SPATA31H1: variants seen among roughly 807,000 people sequenced by gnomAD.
SPATA31H1 encodes the protein spermatogenesis-associated protein 31H1.
the SPATA31H1 span, chr2:27,580,009 T>G: frequency 5.6e-6 from 9 of 1,614,186 alleles, no homozygotes; most frequent in East Asian, 1.3e-4. Context: ...TATCTTCTTA[T>G]CTATCCACAG....
At chr2:27,577,319 G>A in the SPATA31H1 span, 1 of 1,614,060 alleles carries the variant, frequency 6.2e-7, no homozygotes, top group Non-Finnish European at 8.5e-7. This position sits in a 1 kb window ranked among gnomAD's most constrained non-coding sequence, Gnocchi z 4.5. Context: ...AGGATGTGGG[G>A]GAGTTATATA....
the SPATA31H1 span, chr2:27,578,165 G>A: frequency 5.7e-4 from 913 of 1,614,030 alleles, 12 homozygotes; most frequent in African/African-American, 9.6e-3. Context: ...CGATACCAAG[G>A]CCAACCCCTC....
the SPATA31H1 span, among the ~76,000 whole-genome samples, chr2:27,555,398 G>T: frequency 1.3e-5 from 2 of 151,910 alleles, no homozygotes; most frequent in Non-Finnish European, 2.9e-5. Flanking sequence ...AGAGCCATGT[G>T]CTATGGTTCA....
the SPATA31H1 span, among the ~76,000 whole-genome samples, chr2:27,540,635 G>T: frequency 1.4e-5 from 2 of 144,058 alleles, no homozygotes; most frequent in African/African-American, 5.2e-5. Flanking sequence ...TCTCAGATGG[G>T]GCGGTTGCCA....
the SPATA31H1 span, among the ~76,000 whole-genome samples, chr2:27,549,686 G>A: frequency 6.6e-6 from 1 of 151,838 alleles, no homozygotes; most frequent in Admixed American, 6.6e-5. Context: ...TGGCATGCCT[G>A]TAGTCTCAGC....
the SPATA31H1 span, chr2:27,576,873 A>G: frequency 6.2e-7 from 1 of 1,614,146 alleles, no homozygotes; most frequent in Admixed American, 1.7e-5. Context: ...ACTGCCTCAA[A>G]GAGTGAAATA....
the SPATA31H1 span, chr2:27,569,952 G>T: frequency 2.5e-6 from 1 of 398,706 alleles, no homozygotes; most frequent in Non-Finnish European, 4.4e-6. Context: ...GAAATCTGAT[G>T]AATTGACCTC....
chr2:27,567,550 A>G, the SPATA31H1 span: 1 of 403,412 alleles, frequency 2.5e-6, no homozygotes, highest in South Asian at 1.2e-4. Context: ...AAACTTTCAC[A>G]GTCACTTATC....
the SPATA31H1 span, chr2:27,579,278 T>C: frequency 8.9e-3 from 14,347 of 1,614,098 alleles, 84 homozygotes; most frequent in South Asian, 0.013. Flanking sequence ...TAGGGACCAC[T>C]ATGGAAAGGA....
chr2:27,560,359 A>G, the SPATA31H1 span, among the ~76,000 whole-genome samples: 4,086 of 152,240 alleles, frequency 0.027, 173 homozygotes, highest in African/African-American at 0.094. Context: ...TACTACATAT[A>G]AATTGATGGT....
chr2:27,576,622 T>C, the SPATA31H1 span: 295 of 1,609,250 alleles, frequency 1.8e-4, 2 homozygotes, highest in African/African-American at 3.5e-3. Context: ...TATCAAGAGT[T>C]GACTTCAGGA....
the SPATA31H1 span, among the ~76,000 whole-genome samples, chr2:27,539,151 C>T: frequency 0.57 from 74,016 of 128,936 alleles, 21,502 homozygotes; most frequent in East Asian, 0.84. Context: ...GGGTGTTTCT[C>T]GCAGAGGGGG....
At chr2:27,572,417 A>G in the SPATA31H1 span, 2 of 398,344 alleles carry the variant, frequency 5.0e-6, no homozygotes, top group East Asian at 7.1e-5. Context: ...GAAGTGTCAA[A>G]CCTGCAGAAT....
chr2:27,579,208 C>T, the SPATA31H1 span: 6 of 1,614,130 alleles, frequency 3.7e-6, no homozygotes, highest in Non-Finnish European at 5.1e-6. Context: ...GAGAGTCATG[C>T]CTGGAGGCAG....
chr2:27,560,600 G>A, the SPATA31H1 span, among the ~76,000 whole-genome samples: 2 of 152,070 alleles, frequency 1.3e-5, no homozygotes, highest in South Asian at 4.2e-4. Context: ...TGGGACTACA[G>A]GCGCCCGCCT....
At chr2:27,572,491 A>C in the SPATA31H1 span, 1 of 398,436 alleles carries the variant, frequency 2.5e-6, no homozygotes, top group Admixed American at 4.4e-5. Flanking sequence ...CCAAAACTTC[A>C]AGGTGCAAAA....
the SPATA31H1 span, among the ~76,000 whole-genome samples, chr2:27,560,024 T>C: frequency 6.6e-6 from 1 of 151,540 alleles, no homozygotes; most frequent in Non-Finnish European, 1.5e-5. Flanking sequence ...CGCACCACCA[T>C]GCCTGGCTAA....
chr2:27,540,027 A>C, the SPATA31H1 span, among the ~76,000 whole-genome samples: 53 of 70,544 alleles, frequency 7.5e-4, no homozygotes, highest in Admixed American at 1.4e-3. Context: ...TGACCCCCCC[A>C]CCTCCCTCCC....
the SPATA31H1 span, among the ~76,000 whole-genome samples, chr2:27,565,853 T>C: frequency 6.6e-6 from 1 of 152,246 alleles, no homozygotes. Context: ...TACTGTATGA[T>C]GAAGGCAGCA....
Sources: gnomAD v4.1 joint callset for allele counts (sites outside exome capture counted in the v4.1 genomes callset) on GRCh38, gnomAD v4.1.1 for gene constraint, Gnocchi (gnomAD v3.1) non-coding constraint, MANE v1.5 for transcripts, NCBI Gene and HGNC (gene_info 2026-07-23, HGNC 2026-07-21) for gene names.